NOP9: variants seen among roughly 807,000 people sequenced by gnomAD.
The protein encoded by NOP9 is nucleolar protein 9.
Under a neutral mutation model 63.0 loss-of-function variants are expected in NOP9, and 50 were observed. The observed-to-expected ratio is 0.79, with a 90% CI of 0.63 to 1.00. NOP9 has a LOEUF of 1.00. NOP9 is among the 50% of genes least tolerant of loss of function. The pLI, the probability that NOP9 is intolerant of heterozygous loss-of-function variation, is 0.00. For synonymous variants in NOP9, 343 were observed against 332.8 expected, an observed-to-expected ratio of 1.03 and a Z score of -0.33; for missense variants, 758 against 803.0, an observed-to-expected ratio of 0.94 and a Z score of 0.68.
chr14:24,297,923 G>T (rs2041283405), upstream of NOP9, among the ~76,000 whole-genome samples: 1 of 152,136 alleles, frequency 6.6e-6, no homozygotes, highest in Non-Finnish European at 1.5e-5. Context: ...ATGTCATCTG[G>T]ATGCTCCCCA....
In NOP9 at chr14:24,299,870, T is replaced by C. The variant is rs746540425; in HGVS notation, c.-85T>C. ...AGCGCGCCCGCGTTTCTAAACTTTG[T>C]CTGGATAAGGCGCACGCTTGGCGAC... On this transcript the variant is annotated 5_prime_UTR_variant, in exon 1 of 10. Transcript: ENST00000267425. The C allele has an allele frequency of 7.6e-5, 110 of 1,455,266 alleles. No homozygotes were observed. Among genetic ancestry groups the C allele is most frequent in the Non-Finnish European group, 9.1e-5 (101 of 1,104,616 alleles). 90.1% of individuals were successfully genotyped at this position (1,455,266 alleles called of 1,614,324 possible).
the NOP9 span, among the ~76,000 whole-genome samples, chr14:24,279,697 G>A: frequency 1.3e-5 from 2 of 152,222 alleles, no homozygotes; most frequent in Admixed American, 6.5e-5. Flanking sequence ...CATGGTGACT[G>A]GTGATGATAA....
At chr14:24,297,695 C>T (rs1241302609), upstream of NOP9, among the ~76,000 whole-genome samples, 1 of 152,156 alleles carries the variant, frequency 6.6e-6, no homozygotes, top group African/African-American at 2.4e-5. Context: ...TCTTCCAAGA[C>T]CCACTCTTTC....
chr14:24,282,542 G>GC, the NOP9 span, among the ~76,000 whole-genome samples: 108 of 152,286 alleles, frequency 7.1e-4, no homozygotes, highest in African/African-American at 2.4e-3. Context: ...GCTCCCTCTT[G>GC]CTTGAGGCCC....
upstream of NOP9, chr14:24,298,636 T>C (rs2041306008): frequency 4.3e-6 from 1 of 231,872 alleles, no homozygotes; most frequent in Non-Finnish European, 8.4e-6. Context: ...TCGTCTAGAC[T>C]GGAGTGCAGT....
chr14:24,275,871 A>G, the NOP9 span, among the ~76,000 whole-genome samples: 2 of 152,204 alleles, frequency 1.3e-5, no homozygotes, highest in Admixed American at 1.3e-4. Flanking sequence ...CCAGTAGTGG[A>G]CCAGAAAGAC....
Position 24,305,649 on chromosome 14 carries a change from C to T in NOP9, c.*554C>T, listed in dbSNP as rs146066890. 26 of 1,613,302 alleles carry T rather than the reference C, an allele frequency of 1.6e-5. No homozygotes were observed. Among genetic ancestry groups the T allele is most frequent in the African/African-American group, 1.1e-4 (8 of 74,998 alleles). On this transcript the variant is annotated 3_prime_UTR_variant, in exon 10 of 10. Coordinates refer to ENST00000267425, the MANE Select transcript of NOP9 (RefSeq NM_174913.3). ...CAGAGCCCCTTAGTAGGAATGGAGG[C>T]GGCCCTTCTGCTGCCACTGCTCAGC...
chr14:24,301,845 G>A lies in NOP9; in HGVS notation c.809-120G>A, dbSNP rs79680581. The stretch of plus-strand genomic sequence containing the variant: ...CAAACCTGGTCTGGTTTGACGTTCA[G>A]AGCACTTTGTATAGTCCCTTTGTGT... On this transcript the variant is annotated intron_variant, in intron 3 of 9. Coordinates refer to ENST00000267425, the MANE Select transcript of NOP9 (RefSeq NM_174913.3). 1,820 of 1,460,722 alleles carry A rather than the reference G, an allele frequency of 1.2e-3. 19 individuals are homozygous for A. The African/African-American group carries it at 0.02, about 16-fold the overall frequency. The allele number at this position is 1,460,722 out of a possible 1,614,324, so 90.5% of individuals were successfully genotyped here. A position where few individuals can be genotyped will look rare whatever the true frequency, so the allele number is the denominator to read the frequency against.
chr14:24,291,031 T>C, the NOP9 span: 4 of 1,613,660 alleles, frequency 2.5e-6, no homozygotes, highest in Non-Finnish European at 3.4e-6. Flanking sequence ...TAGATTCTCA[T>C]TTCCCACTCC....
the NOP9 span, among the ~76,000 whole-genome samples, chr14:24,273,226 A>G: frequency 2.0e-5 from 3 of 148,436 alleles, no homozygotes; most frequent in Non-Finnish European, 3.0e-5. Context: ...TTGCCCAGGC[A>G]GGAGTGCAGT....
Position 24,305,488 on chromosome 14 carries a change from T to C in NOP9, c.*393T>C. The C allele has an allele frequency of 3.1e-6, 3 of 962,468 alleles. No homozygotes were observed. Among genetic ancestry groups the C allele is most frequent in the Non-Finnish European group, 4.6e-6 (3 of 649,460 alleles). The allele number at this position is 962,468 out of a possible 1,614,324, so 59.6% of individuals were successfully genotyped here. ...GGATGTGAGGCGTTATGCTGAAAGG[T>C]TCTGTCACGAGGGGATCAGAGGACA... On this transcript the variant is annotated 3_prime_UTR_variant, in exon 10 of 10. Coordinates refer to ENST00000267425, the MANE Select transcript of NOP9 (RefSeq NM_174913.3).
chr14:24,307,781 C>T lies in NOP9; in HGVS notation c.*2686C>T, dbSNP rs779343998. 1 of 1,573,544 alleles carries T rather than the reference C, an allele frequency of 6.4e-7. No individual in the cohort carries two copies. Among genetic ancestry groups the T allele is most frequent in the Non-Finnish European group, 8.6e-7 (1 of 1,157,144 alleles). ...AGTATTGTTGCCCTGCCTATATCCC[C>T]TAAAGGTGGAGGGTAGAGCGGAGGG... On this transcript the variant is annotated 3_prime_UTR_variant, in exon 10 of 10. Coordinates refer to ENST00000267425, the MANE Select transcript of NOP9 (RefSeq NM_174913.3).
rs1594628617 is a variant in NOP9, at chr14:24,307,272, G to A, written c.*2177G>A. On this transcript the variant is annotated 3_prime_UTR_variant, in exon 10 of 10. Coordinates refer to ENST00000267425, the MANE Select transcript of NOP9 (RefSeq NM_174913.3). ...TTAGCCCTCAGAGGGAGGGGCAGCTGTGTGACTTCAGCCCTCTGCTCCATC... is the reference window on the plus strand; with the variant it reads ...TTAGCCCTCAGAGGGAGGGGCAGCTATGTGACTTCAGCCCTCTGCTCCATC... 7.6e-7 allele frequency: 1 copy of A among 1,319,562 alleles called. No homozygotes were observed. Among genetic ancestry groups the A allele is most frequent in the Non-Finnish European group, 1.1e-6 (1 of 950,126 alleles). The allele number at this position is 1,319,562 out of a possible 1,614,324, so 81.7% of individuals were successfully genotyped here.
upstream of NOP9, among the ~76,000 whole-genome samples, chr14:24,297,599 G>A (rs1324691672): frequency 1.3e-5 from 2 of 152,112 alleles, no homozygotes; most frequent in Non-Finnish European, 1.5e-5. Context: ...CAGCCAGTAC[G>A]ACCTATCTAA....
the NOP9 span, chr14:24,292,849 C>T: frequency 5.2e-6 from 8 of 1,540,260 alleles, 1 homozygote; most frequent in Admixed American, 6.6e-5. Flanking sequence ...GCCACAGCCT[C>T]TGGCGGCTTC....
chr14:24,284,181 G>A, the NOP9 span, among the ~76,000 whole-genome samples: 61 of 152,220 alleles, frequency 4.0e-4, no homozygotes, highest in African/African-American at 1.4e-3. Flanking sequence ...TGGATGAAAC[G>A]AGAGTTGTGT....
Position 24,307,083 on chromosome 14 carries a change from G to C in NOP9, c.*1988G>C, listed in dbSNP as rs1041879617. The C allele has an allele frequency of 1.8e-5, 6 of 333,392 alleles. No homozygotes were observed. The highest frequency in any genetic ancestry group is 3.3e-5 in the Non-Finnish European group (6 of 181,228). The allele number at this position is 333,392 out of a possible 1,614,324, so 20.7% of individuals were successfully genotyped here. On this transcript the variant is annotated 3_prime_UTR_variant, in exon 10 of 10. Coordinates refer to ENST00000267425, the MANE Select transcript of NOP9 (RefSeq NM_174913.3). ...TGACAGGCAGGAAGTGGCAGAATCA[G>C]AATTTGAACTTGATTTGTCACACAA...
intron 5 of NOP9, 69 bp downstream of exon 5, chr14:24,302,493 G>T: frequency 7.0e-7 from 1 of 1,433,100 alleles, no homozygotes; most frequent in Non-Finnish European, 9.6e-7. Context: ...TTTATGGTCT[G>T]TCTGCCTCTA....
chr14:24,292,386 C>T, the NOP9 span: 2 of 1,603,748 alleles, frequency 1.2e-6, no homozygotes, highest in Non-Finnish European at 1.7e-6. Flanking sequence ...CTTTCCTGCC[C>T]TGCCCTCTCT....
Sources: allele counts gnomAD v4.1 joint callset (sites outside exome capture counted in the v4.1 genomes callset), GRCh38; gene constraint gnomAD v4.1.1; transcripts MANE v1.5; gene names NCBI Gene and HGNC (gene_info 2026-07-23, HGNC 2026-07-21).